ASCC3: variants seen among roughly 807,000 people sequenced by gnomAD.
ASCC3 encodes the protein ASC-1 complex subunit P200.
In ASCC3, 158 loss-of-function variants were observed where a neutral mutation model predicts 256.3. The observed-to-expected ratio is 0.62, with a 90% confidence interval of 0.54 to 0.70. The LOEUF is 0.70. ASCC3 is among the 30% of genes least tolerant of loss of function. The probability of loss-of-function intolerance (pLI) is 0.00; values close to 1 mark genes in which losing one functional copy is unlikely to be tolerated. For synonymous variants in ASCC3, 948 were observed against 883.4 expected, an observed-to-expected ratio of 1.07 and a Z score of -1.30; for missense variants, 2,259 against 2,626.0, an observed-to-expected ratio of 0.86 and a Z score of 3.05.
At chr6:100,628,360 T>G (rs1240215497) in intron 27 of ASCC3, among the ~76,000 whole-genome samples, 1 of 152,148 alleles carries the variant, frequency 6.6e-6, no homozygotes, top group African/African-American at 2.4e-5. Flanking sequence ...CAACAGTTAA[T>G]AAAAATATAT....
chr6:100,688,960 C>G lies in ASCC3; in HGVS notation c.2152-9208G>C, dbSNP rs1182589844. On this transcript the variant is annotated intron_variant, in intron 13 of 41. Transcript: ENST00000369162. ...ACTTGATTTTAAAGGTCATAACACT[C>G]TAAAGTTCTTCATTATTGGCCCTTT... 2.6e-5 allele frequency among the ~76,000 whole-genome samples: 4 copies of G among 152,180 alleles called. No homozygotes were observed. In the East Asian group the frequency reaches 5.8e-4, roughly 22 times the overall value.
chr6:100,685,240 T>C (rs542518077), intron 13 of ASCC3, among the ~76,000 whole-genome samples: 3 of 152,334 alleles, frequency 2.0e-5, no homozygotes, highest in South Asian at 4.1e-4. Flanking sequence ...TTACATTATG[T>C]GGCACATATG....
intron 3 of ASCC3, among the ~76,000 whole-genome samples, chr6:100,849,776 A>C (rs1772568264): frequency 6.6e-6 from 1 of 152,120 alleles, no homozygotes; most frequent in Admixed American, 6.5e-5. Context: ...AAATACTGTT[A>C]AAGTTAATAA....
intron 13 of ASCC3, among the ~76,000 whole-genome samples, chr6:100,709,212 GT>G (rs1778754539): frequency 6.6e-6 from 1 of 152,110 alleles, no homozygotes; most frequent in South Asian, 2.1e-4. Flanking sequence ...TCTGCCAAAA[GT>G]CCATTTTAGG....
Position 100,589,991 on chromosome 6 carries a change from G to A in ASCC3, c.5372C>T (p.Ser1791Phe), listed in dbSNP as rs776527170. Residue 1791 changes from serine to phenylalanine, a missense_variant, in exon 35 of 42, where the codon TCC (serine) becomes TTC (phenylalanine). Physicochemically the swap from Ser to Phe is radical, Grantham distance 155 (BLOSUM62 -2). This residue lies in a region of ASCC3 where 1,839 missense variants were observed against 2,206.7 expected (regional missense o/e 0.83). Coordinates refer to ENST00000369162, the MANE Select transcript of ASCC3 (RefSeq NM_006828.4). Reference sequence around the variant, plus strand: ...GTAGGAAAGTTCCAATTCAATCAGGGACTTCTCAATCAGATGGGACAGAAA... The same window carrying A: ...GTAGGAAAGTTCCAATTCAATCAGGAACTTCTCAATCAGATGGGACAGAAA... ...NKFLSHLIEK[S>F]LIELELSYCI... 5.0e-6 allele frequency: 8 copies of A among 1,613,526 alleles called. No homozygotes were observed. The highest frequency in any genetic ancestry group is 1.1e-5 in the South Asian group (1 of 91,060).
chr6:100,509,885 C>T (rs760872743), intron 41 of ASCC3, 47 bp downstream of exon 41: 2 of 1,471,658 alleles, frequency 1.4e-6, no homozygotes, highest in Admixed American at 1.8e-5. Flanking sequence ...GAGACTCCGC[C>T]TCAAAAAAAA....
chr6:100,673,201 T>G (rs770243077), intron 14 of ASCC3, among the ~76,000 whole-genome samples: 3 of 152,084 alleles, frequency 2.0e-5, no homozygotes, highest in Non-Finnish European at 2.9e-5. Flanking sequence ...TAGAAAAAGA[T>G]AAATCTCATC....
At chr6:100,728,032 T>C (rs902429302) in intron 10 of ASCC3, among the ~76,000 whole-genome samples, 1 of 152,074 alleles carries the variant, frequency 6.6e-6, no homozygotes, top group Non-Finnish European at 1.5e-5. Flanking sequence ...TCTCTATGTG[T>C]CAAAAGTAAC....
intron 8 of ASCC3, among the ~76,000 whole-genome samples, chr6:100,772,336 C>T (rs1317767075): frequency 1.3e-5 from 2 of 152,120 alleles, no homozygotes; most frequent in East Asian, 1.9e-4. Flanking sequence ...AGTACATGTA[C>T]ATACAAAAAC....
At chr6:100,706,732 A>G (rs1009618533) in intron 13 of ASCC3, among the ~76,000 whole-genome samples, 2 of 152,098 alleles carry the variant, frequency 1.3e-5, no homozygotes, top group Admixed American at 1.3e-4. Flanking sequence ...TCAACCTGCA[A>G]GTAGAAACCT....
chr6:100,640,498 G>C (rs892045467), intron 24 of ASCC3, among the ~76,000 whole-genome samples: 1 of 152,102 alleles, frequency 6.6e-6, no homozygotes, highest in Non-Finnish European at 1.5e-5. Flanking sequence ...TCATTTGGCA[G>C]ACAAAAGATA....
At chr6:100,629,288 T>A in intron 26 of ASCC3, 107 bp from the exon 27 acceptor site, 1 of 1,005,724 alleles carries the variant, frequency 9.9e-7, no homozygotes. Context: ...GGCTTAAAAT[T>A]ACTTTATCTA....
At chr6:100,867,653 G>A (rs1773541657) in intron 2 of ASCC3, among the ~76,000 whole-genome samples, 1 of 151,924 alleles carries the variant, frequency 6.6e-6, no homozygotes, top group Non-Finnish European at 1.5e-5. Flanking sequence ...GTGGTAGGGA[G>A]CTGAACAAAA....
chr6:100,519,729 T>C (rs924164645), intron 37 of ASCC3, among the ~76,000 whole-genome samples: 10 of 152,072 alleles, frequency 6.6e-5, no homozygotes, highest in Non-Finnish European at 1.5e-4. Context: ...GACCAAAAGC[T>C]CACATACTAG....
chr6:100,557,656 T>G (rs1769675680), intron 36 of ASCC3, among the ~76,000 whole-genome samples: 1 of 138,452 alleles, frequency 7.2e-6, no homozygotes, highest in South Asian at 2.6e-4. Context: ...TAATTTTATC[T>G]TCAAATATAA....
intron 30 of ASCC3, among the ~76,000 whole-genome samples, chr6:100,615,328 C>A (rs914128581): frequency 6.6e-6 from 1 of 152,024 alleles, no homozygotes; most frequent in Non-Finnish European, 1.5e-5. Context: ...AAATTACTCC[C>A]ACCCCCACCA....
At position 100,627,723 on chromosome 6, in the gene ASCC3, TGA is replaced by T. The variant is rs1413458445; in HGVS notation, c.4522-15_4522-14del. 3 of 1,613,250 alleles carry T rather than the reference TGA, an allele frequency of 1.9e-6. No individual in the cohort carries two copies. Among genetic ancestry groups the T allele is most frequent in the Non-Finnish European group, 2.5e-6 (3 of 1,179,550 alleles). Reference sequence around the variant, plus strand: ...TAAACAAGCCCATCTAGAGTAAATATGAGAGAGAAACCATTTTCAATTTTTAT... The same window carrying T: ...TAAACAAGCCCATCTAGAGTAAATATGAGAGAAACCATTTTCAATTTTTAT... On this transcript the variant is annotated splice_polypyrimidine_tract_variant and intron_variant, in intron 28 of 41. Coordinates refer to ENST00000369162, the MANE Select transcript of ASCC3 (RefSeq NM_006828.4).
chr6:100,660,072 T>C (rs1333335703), intron 16 of ASCC3, among the ~76,000 whole-genome samples: 1 of 151,494 alleles, frequency 6.6e-6, no homozygotes, highest in African/African-American at 2.4e-5. Context: ...ATGGCTACCA[T>C]TTTGGAAAAT....
intron 22 of ASCC3, among the ~76,000 whole-genome samples, chr6:100,645,939 C>G (rs1775358504): frequency 6.6e-6 from 1 of 151,914 alleles, no homozygotes. Context: ...GTCTCAGCAG[C>G]AAAGAAACAG....
Sources: gnomAD v4.1 joint callset for allele counts (sites outside exome capture counted in the v4.1 genomes callset) on GRCh38, gnomAD v4.1.1 for gene constraint, gnomAD v4.1.1 regional missense constraint, MANE v1.5 for transcripts, NCBI Gene and HGNC (gene_info 2026-07-23, HGNC 2026-07-21) for gene names.